The following TFDP2 variants were observed in gnomAD, a reference collection of about 807,000 sequenced individuals.
The protein encoded by TFDP2 is transcription factor Dp-2.
In TFDP2, 17 loss-of-function variants were observed where a neutral mutation model predicts 59.3. The observed-to-expected ratio is 0.29, with a 90% CI of 0.20 to 0.43. The LOEUF (loss-of-function observed/expected upper bound fraction) is 0.43, where lower values mean the gene tolerates loss of function less well. Among genes scored for constraint, TFDP2 ranks in the 20% least tolerant of loss-of-function variants. The pLI is 1.00. For synonymous variants in TFDP2, 180 were observed against 194.7 expected (o/e 0.92, Z 0.63); for missense variants, 391 against 528.8 (o/e 0.74, Z 2.56).
At chr3:142,065,619 C>T (rs982526567) in intron 3 of TFDP2, among the ~76,000 whole-genome samples, 2 of 151,878 alleles carry the variant, frequency 1.3e-5, no homozygotes, top group East Asian at 3.9e-4. Context: ...TCAAGTGATG[C>T]TCCCACCTCA....
intron 1 of TFDP2, among the ~76,000 whole-genome samples, chr3:142,124,077 G>A (rs2062148804): frequency 6.6e-6 from 1 of 152,026 alleles, no homozygotes; most frequent in African/African-American, 2.4e-5. Context: ...AAGAAACTCA[G>A]CAAGAAATAC....
intron 1 of TFDP2, among the ~76,000 whole-genome samples, chr3:142,105,080 G>A (rs2108655540): frequency 6.6e-6 from 1 of 152,076 alleles, no homozygotes; most frequent in South Asian, 2.1e-4. Flanking sequence ...GAGTTTATAC[G>A]CCCTCCAGTT....
At chr3:142,027,862 TG>T in intron 3 of TFDP2, among the ~76,000 whole-genome samples, 1 of 152,232 alleles carries the variant, frequency 6.6e-6, no homozygotes, top group South Asian at 2.1e-4. Flanking sequence ...GCTAACATAA[TG>T]GCAGTCACTA....
intron 3 of TFDP2, among the ~76,000 whole-genome samples, chr3:142,082,732 A>G (rs2060680196): frequency 6.6e-6 from 1 of 152,246 alleles, no homozygotes; most frequent in Admixed American, 6.5e-5. Context: ...AAGTCAATCA[A>G]TGTAATATAT....
intron 6 of TFDP2, among the ~76,000 whole-genome samples, chr3:141,987,502 C>T (rs113363649): frequency 1.3e-5 from 2 of 148,304 alleles, no homozygotes; most frequent in African/African-American, 2.5e-5. Flanking sequence ...AGGCTGGTGT[C>T]GAACTCCTGA....
intron 3 of TFDP2, among the ~76,000 whole-genome samples, chr3:142,072,942 C>T (rs2060296672): frequency 6.6e-6 from 1 of 152,178 alleles, no homozygotes; most frequent in Admixed American, 6.5e-5. Context: ...GCAATCCACA[C>T]AATGACTTCC....
intron 6 of TFDP2, among the ~76,000 whole-genome samples, chr3:141,989,982 C>T (rs574133236): frequency 1.3e-5 from 2 of 152,014 alleles, no homozygotes; most frequent in Non-Finnish European, 2.9e-5. Context: ...CAACCTCTGC[C>T]TCCTGGGTTC....
intron 1 of TFDP2, among the ~76,000 whole-genome samples, chr3:142,141,128 C>CT (rs1229831065): frequency 6.6e-6 from 1 of 152,216 alleles, no homozygotes; most frequent in East Asian, 1.9e-4. Flanking sequence ...TCTCAGACTA[C>CT]TTCGCTAGCA....
chr3:142,090,142 G>A (rs1213185003), intron 3 of TFDP2, among the ~76,000 whole-genome samples: 2 of 152,128 alleles, frequency 1.3e-5, no homozygotes, highest in Non-Finnish European at 2.9e-5. Context: ...ACAGCTCAAA[G>A]AAGAGCAACA....
chr3:142,148,980 G>A (rs1041727271), intron 1 of TFDP2, among the ~76,000 whole-genome samples: 2 of 152,214 alleles, frequency 1.3e-5, no homozygotes, highest in African/African-American at 2.4e-5. Context: ...GCACTAAGAG[G>A]GTGACCCTCC....
chr3:141,953,096 GA>G, intron 11 of TFDP2, 80 bp from the exon 12 acceptor site: 1 of 956,538 alleles, frequency 1.0e-6, no homozygotes, highest in Non-Finnish European at 1.7e-6. Context: ...GGAAAGCACA[GA>G]AAAGCAAGAG....
chr3:142,004,130 G>A (rs989777638), intron 4 of TFDP2, among the ~76,000 whole-genome samples: 2 of 152,150 alleles, frequency 1.3e-5, no homozygotes, highest in Non-Finnish European at 2.9e-5. Context: ...GAGCTACCTT[G>A]AAATGAGGGC....
intron 3 of TFDP2, among the ~76,000 whole-genome samples, chr3:142,076,531 CAT>C (rs140844693): frequency 0.016 from 2,462 of 152,050 alleles, 68 homozygotes; most frequent in African/African-American, 0.056. Context: ...AAAAATGAAA[CAT>C]AGAAATAATG....
rs532679269 is a variant in TFDP2, at chr3:142,063,734, T to C, written c.82+29327A>G. Among the ~76,000 whole-genome samples, 3 of 152,282 alleles carry C rather than the reference T, an allele frequency of 2.0e-5. No individual in the cohort carries two copies. The South Asian group carries it at 6.2e-4, about 32-fold the overall frequency. ...GTCTTTTATTTTAGACAGTGCTCCT[T>C]AGTTGGTGAAGCCTCTCAATAAAGC... On this transcript the variant is annotated intron_variant, in intron 3 of 12. Transcript: ENST00000489671.
At chr3:142,076,923 T>C (rs1217283005) in intron 3 of TFDP2, among the ~76,000 whole-genome samples, 3 of 152,202 alleles carry the variant, frequency 2.0e-5, no homozygotes, top group Admixed American at 2.0e-4. Context: ...TTTAACTTCA[T>C]ATTGCTGAAA....
intron 3 of TFDP2, among the ~76,000 whole-genome samples, chr3:142,048,984 A>C (rs1333944167): frequency 6.6e-6 from 1 of 152,234 alleles, no homozygotes; most frequent in African/African-American, 2.4e-5. Flanking sequence ...GGTTCTGAGG[A>C]TTATATGAAA....
intron 2 of TFDP2, among the ~76,000 whole-genome samples, chr3:142,093,699 CAAAT>C (rs2061072555): frequency 1.3e-5 from 2 of 152,112 alleles, no homozygotes; most frequent in Admixed American, 1.3e-4. Context: ...TGTGAGGAAT[CAAAT>C]AAAGACCATT....
rs553377249 is a variant in TFDP2, at chr3:142,054,650, T to A, written c.82+38411A>T. Among the ~76,000 whole-genome samples the A allele has an allele frequency of 5.3e-4, 80 of 152,332 alleles. No homozygotes were observed. The South Asian group carries it at 0.016, about 31-fold the overall frequency. Reference sequence around the variant, plus strand: ...TGAAACAACTGGCATGTAGTATGCATATTGCAATGAAGTCAACATACCTAG... The same window carrying A: ...TGAAACAACTGGCATGTAGTATGCAAATTGCAATGAAGTCAACATACCTAG... On this transcript the variant is annotated intron_variant, in intron 3 of 12. Coordinates refer to ENST00000489671, the MANE Select transcript of TFDP2 (RefSeq NM_001178139.2).
chr3:142,046,906 T>C (rs1318768600), intron 3 of TFDP2, among the ~76,000 whole-genome samples: 1 of 152,198 alleles, frequency 6.6e-6, no homozygotes, highest in African/African-American at 2.4e-5. Flanking sequence ...ATTGATTTTT[T>C]GAGCCCAAAA....
Sources: allele counts gnomAD v4.1 joint callset (sites outside exome capture counted in the v4.1 genomes callset), GRCh38; gene constraint gnomAD v4.1.1; transcripts MANE v1.5; gene names NCBI Gene and HGNC (gene_info 2026-07-23, HGNC 2026-07-21).